Variants in RASAL2 observed in about 807,000 individuals in gnomAD.
RASAL2 encodes the protein ras GTPase-activating protein nGAP.
A neutral mutation model predicts 128.9 loss-of-function variants in RASAL2; 58 were observed. That is an observed-to-expected ratio of 0.45 (90% CI 0.36 to 0.56). The LOEUF (loss-of-function observed/expected upper bound fraction) is 0.56, where lower values mean the gene tolerates loss of function less well. RASAL2 is among the 20% of genes least tolerant of loss of function. The probability of loss-of-function intolerance (pLI) is 0.00; values close to 1 mark genes in which losing one functional copy is unlikely to be tolerated. For missense variants in RASAL2, 1,360 were observed against 1,601.6 expected (o/e 0.85, Z 2.57); for synonymous variants, 561 against 580.8 (o/e 0.97, Z 0.49).
chr1:178,164,494 T>TGTGTGTGTGTGC, intron 1 of RASAL2, among the ~76,000 whole-genome samples: 1 of 144,286 alleles, frequency 6.9e-6, no homozygotes, highest in Non-Finnish European at 1.5e-5. Flanking sequence ...TGTGTGTGTG[T>TGTGTGTGTGTGC]GTGTGTGTGT....
intron 1 of RASAL2, among the ~76,000 whole-genome samples, chr1:178,096,509 C>T (rs902041587): frequency 1.3e-5 from 2 of 150,784 alleles, no homozygotes; most frequent in African/African-American, 4.9e-5. Flanking sequence ...AGAGTGAGAG[C>T]AAGTTTACAT....
chr1:178,174,270 A>G (rs989307592), intron 1 of RASAL2, among the ~76,000 whole-genome samples: 25 of 152,174 alleles, frequency 1.6e-4, no homozygotes, highest in Admixed American at 1.0e-3. Flanking sequence ...TTAGAATACT[A>G]TATCTGTGTC....
chr1:178,336,228 A>G (rs1475793019), intron 3 of RASAL2, among the ~76,000 whole-genome samples: 6 of 149,946 alleles, frequency 4.0e-5, no homozygotes, highest in African/African-American at 9.9e-5. Context: ...TTAGAGTTCT[A>G]CTGGATTTTG....
chr1:178,264,097 G>A (rs1665827666), intron 1 of RASAL2, among the ~76,000 whole-genome samples: 1 of 152,170 alleles, frequency 6.6e-6, no homozygotes, highest in African/African-American at 2.4e-5. Context: ...ATTTATAAGG[G>A]AAAGATTAAA....
In RASAL2 at chr1:178,285,342, G is replaced by A. The variant is rs372688934; in HGVS notation, c.330+1651G>A. On this transcript the variant is annotated intron_variant, in intron 2 of 17. Coordinates refer to ENST00000367649, the MANE Select transcript of RASAL2 (RefSeq NM_170692.4). ...TCACCTTGTTAGCCAGGATGGTCTCGATCTCCTGACCTCATGATCCACCCG... is the reference window on the plus strand; with the variant it reads ...TCACCTTGTTAGCCAGGATGGTCTCAATCTCCTGACCTCATGATCCACCCG... 3.3e-5 allele frequency among the ~76,000 whole-genome samples: 5 copies of A among 150,956 alleles called. No homozygotes were observed. In the South Asian group the frequency reaches 1.0e-3, roughly 32 times the overall value.
intron 1 of RASAL2, among the ~76,000 whole-genome samples, chr1:178,242,415 ATAAT>A (rs1479915219): frequency 2.7e-5 from 4 of 145,572 alleles, no homozygotes; most frequent in African/African-American, 1.0e-4. Context: ...GACAATTTTT[ATAAT>A]TCATTCTCTC....
At chr1:178,167,653 T>C (rs1053037387) in intron 1 of RASAL2, among the ~76,000 whole-genome samples, 1 of 152,106 alleles carries the variant, frequency 6.6e-6, no homozygotes, top group African/African-American at 2.4e-5. Context: ...ACATAAACGA[T>C]TGATTAATAT....
chr1:178,168,553 A>G (rs1376507671), intron 1 of RASAL2, among the ~76,000 whole-genome samples: 1 of 152,044 alleles, frequency 6.6e-6, no homozygotes, highest in African/African-American at 2.4e-5. Flanking sequence ...CTCTAGACCT[A>G]AAGTCTCATT....
chr1:178,282,764 A>G (rs1018800136), intron 1 of RASAL2, among the ~76,000 whole-genome samples: 5 of 152,158 alleles, frequency 3.3e-5, no homozygotes, highest in African/African-American at 7.2e-5. Flanking sequence ...AACTTTTAAT[A>G]TATATCGAAC....
At chr1:178,261,243 T>C (rs1480863490) in intron 1 of RASAL2, among the ~76,000 whole-genome samples, 2 of 151,708 alleles carry the variant, frequency 1.3e-5, no homozygotes, top group Admixed American at 1.3e-4. Context: ...CAAACCCTCA[T>C]GTTTGTAACT....
intron 3 of RASAL2, among the ~76,000 whole-genome samples, chr1:178,338,904 A>G (rs1357706455): frequency 6.6e-6 from 1 of 152,244 alleles, no homozygotes; most frequent in African/African-American, 2.4e-5. Flanking sequence ...TCCAATAAAT[A>G]TATACATGGT....
At chr1:178,328,287 TAGTA>T (rs1669131948) in intron 3 of RASAL2, among the ~76,000 whole-genome samples, 1 of 152,162 alleles carries the variant, frequency 6.6e-6, no homozygotes. Flanking sequence ...TATGGGTACA[TAGTA>T]GGTGTATATA....
rs765908750 is a variant in RASAL2, at chr1:178,299,992, A to T, written c.331A>T (p.Ile111Leu). Residue 111 changes from isoleucine (I) to leucine (L), a missense_variant and splice_region_variant, in exon 3 of 18, where the codon ATA becomes TTA. Ile to Leu is a conservative substitution (Grantham distance 5, BLOSUM62 2). Coordinates refer to ENST00000367649, the MANE Select transcript of RASAL2 (RefSeq NM_170692.4). The stretch of plus-strand genomic sequence containing the variant: ...TTATCTTTTGCTTTTGATTAACTAG[A>T]TACCTGTGGAAGGGGGACAGGAGCA... The part of the protein sequence containing the change: ...QLVLLNKEKE[I>L]PVEGGQEQQT... 29 of 1,613,034 alleles carry T rather than the reference A, an allele frequency of 1.8e-5. No individual in the cohort carries two copies. Among genetic ancestry groups the T allele is most frequent in the Non-Finnish European group, 2.4e-5 (28 of 1,179,748 alleles).
chr1:178,442,086 T>C (rs1676696197), intron 7 of RASAL2, among the ~76,000 whole-genome samples: 1 of 152,056 alleles, frequency 6.6e-6, no homozygotes, highest in Non-Finnish European at 1.5e-5. Flanking sequence ...ATCAGGAAGA[T>C]GGCACCAAGG....
intron 1 of RASAL2, among the ~76,000 whole-genome samples, chr1:178,098,020 A>G (rs1389498469): frequency 2.6e-5 from 4 of 152,226 alleles, no homozygotes; most frequent in African/African-American, 9.6e-5. Context: ...AGAGAAAAAT[A>G]TTTGTGCTGT....
rs1411390320 is a variant in RASAL2, at chr1:178,130,033, C to T, written c.202+35339C>T. ...TTACAGAGTTTCCCTTTTTATGATA[C>T]ACAGACATTTACATAATTAAGGAAA... On this transcript the variant is annotated intron_variant, in intron 1 of 17. Transcript: ENST00000367649. Among the ~76,000 whole-genome samples, 3 of 152,136 alleles carry T rather than the reference C, an allele frequency of 2.0e-5. No homozygotes were observed. The East Asian group carries it at 5.8e-4, about 29-fold the overall frequency.
At chr1:178,363,159 TCTTA>T (rs1438770018) in intron 3 of RASAL2, among the ~76,000 whole-genome samples, 3 of 152,140 alleles carry the variant, frequency 2.0e-5, no homozygotes, top group Non-Finnish European at 4.4e-5. Context: ...TTCCTCCCAC[TCTTA>T]CTAACACTTG....
intron 3 of RASAL2, among the ~76,000 whole-genome samples, chr1:178,306,556 C>A (rs1175021520): frequency 6.6e-6 from 1 of 151,760 alleles, no homozygotes; most frequent in East Asian, 1.9e-4. Context: ...CTCTCCAGCA[C>A]CTGTTGTTTC....
chr1:178,260,891 T>C (rs1328443896), intron 1 of RASAL2, among the ~76,000 whole-genome samples: 1 of 152,188 alleles, frequency 6.6e-6, no homozygotes, highest in African/African-American at 2.4e-5. Flanking sequence ...AATTTGGCAG[T>C]TTGTTCTTGT....
Sources: gnomAD v4.1 joint callset for allele counts (sites outside exome capture counted in the v4.1 genomes callset) on GRCh38, gnomAD v4.1.1 for gene constraint, MANE v1.5 for transcripts, NCBI Gene and HGNC (gene_info 2026-07-23, HGNC 2026-07-21) for gene names.